CHD6: variants seen among roughly 807,000 people sequenced by gnomAD.
CHD6 encodes ATP-dependent chromatin remodeler CHD6.
Under a neutral mutation model 276.9 loss-of-function variants are expected in CHD6, and 50 were observed. The ratio of observed to expected loss-of-function variants is 0.18; its 90% CI spans 0.14 to 0.23. The LOEUF is 0.23. Among genes scored for constraint, CHD6 ranks in the 10% least tolerant of loss-of-function variants. CHD6 has a pLI of 1.00. For missense variants in CHD6, 2,564 were observed against 3,365.8 expected (o/e 0.76, Z 5.89); for synonymous variants, 1,173 against 1,229.3 (o/e 0.95, Z 0.96).
At chr20:41,483,208 G>T (rs939318821) in intron 16 of CHD6, 101 bp downstream of exon 16, 3 of 1,027,676 alleles carry the variant, frequency 2.9e-6, no homozygotes, top group Non-Finnish European at 4.2e-6. Flanking sequence ...CTCCGTTTTT[G>T]AATGTTTTGT....
At chr20:41,488,637 C>CA in intron 12 of CHD6, 33 bp from the exon 13 acceptor site, 1 of 1,592,042 alleles carries the variant, frequency 6.3e-7, no homozygotes, top group Non-Finnish European at 8.6e-7. Flanking sequence ...CAAAGCTTTA[C>CA]ACCATGGCTA....
At chr20:41,565,016 C>T (rs2045340491) in intron 1 of CHD6, among the ~76,000 whole-genome samples, 1 of 151,750 alleles carries the variant, frequency 6.6e-6, no homozygotes, top group Non-Finnish European at 1.5e-5. Flanking sequence ...GAGTCATACC[C>T]AGGTAGAAGT....
At chr20:41,545,202 G>A (rs1284019828) in intron 2 of CHD6, among the ~76,000 whole-genome samples, 2 of 152,062 alleles carry the variant, frequency 1.3e-5, no homozygotes, top group African/African-American at 4.8e-5. Context: ...ATGCCCTTAA[G>A]TCTTCATTTC....
chr20:41,540,602 T>A (rs1423303176), intron 2 of CHD6, among the ~76,000 whole-genome samples: 1 of 152,216 alleles, frequency 6.6e-6, no homozygotes, highest in Admixed American at 6.5e-5. Context: ...CAGGACAAAG[T>A]GTGCACTTTG....
intron 4 of CHD6, among the ~76,000 whole-genome samples, chr20:41,513,309 C>T (rs1319215383): frequency 6.6e-6 from 1 of 152,126 alleles, no homozygotes; most frequent in Non-Finnish European, 1.5e-5. Flanking sequence ...TCAGAATCCA[C>T]TTCTCCTCCA....
At chr20:41,520,716 T>C (rs1167671534) in intron 3 of CHD6, among the ~76,000 whole-genome samples, 1 of 151,812 alleles carries the variant, frequency 6.6e-6, no homozygotes, top group Non-Finnish European at 1.5e-5. Flanking sequence ...ATATAACTAA[T>C]GTTAAATGAC....
At chr20:41,508,677 A>G (rs565154932) in intron 5 of CHD6, among the ~76,000 whole-genome samples, 1 of 152,200 alleles carries the variant, frequency 6.6e-6, no homozygotes, top group Non-Finnish European at 1.5e-5. Context: ...CAGAAGCCTT[A>G]TGATGAACGG....
intron 2 of CHD6, among the ~76,000 whole-genome samples, chr20:41,550,352 A>T (rs2045125828): frequency 6.6e-6 from 1 of 152,250 alleles, no homozygotes; most frequent in Non-Finnish European, 1.5e-5. Flanking sequence ...TAGGACAGAT[A>T]TAAATCCAGT....
chr20:41,545,563 C>T (rs1288473464), intron 2 of CHD6, among the ~76,000 whole-genome samples: 2 of 152,140 alleles, frequency 1.3e-5, no homozygotes, highest in Non-Finnish European at 2.9e-5. Flanking sequence ...AAATTATTCA[C>T]TCAACCATAT....
At chr20:41,617,130 G>A (rs993580001) in intron 1 of CHD6, among the ~76,000 whole-genome samples, 1 of 152,068 alleles carries the variant, frequency 6.6e-6, no homozygotes, top group African/African-American at 2.4e-5. Context: ...TTCTGTGTTC[G>A]TGGATCTGCC....
At position 41,415,602 on chromosome 20, in the gene CHD6, G is replaced by C. The variant is rs2046971841; in HGVS notation, c.6523C>G (p.Gln2175Glu). The C allele has an allele frequency of 6.2e-7, 1 of 1,608,414 alleles. No homozygotes were observed. Among genetic ancestry groups the C allele is most frequent in the Admixed American group, 1.7e-5 (1 of 59,368 alleles). ...AACTCATAGGGACGCCTGTGCTTTT[G>C]TTCATCCTTTGTGAATACTGGAGCT... ...FLAPVFTKDE[Q>E]KHRRPYEFEV... The change falls in exon 34 of 37, where the codon CAA becomes GAA. Residue 2175 changes from glutamine (Q) to glutamate (E), a missense_variant. Transcript: ENST00000373233.
intron 5 of CHD6, among the ~76,000 whole-genome samples, chr20:41,508,603 T>C (rs1231567508): frequency 6.6e-6 from 1 of 152,132 alleles, no homozygotes; most frequent in Non-Finnish European, 1.5e-5. Context: ...AGTGTGGGAA[T>C]TGGTGGTTGT....
chr20:41,438,604 C>T (rs1033191997), intron 26 of CHD6, among the ~76,000 whole-genome samples: 1 of 151,968 alleles, frequency 6.6e-6, no homozygotes, highest in South Asian at 2.1e-4. Context: ...AAACAAAAAA[C>T]CCCCAAAAAA....
chr20:41,458,739 T>G (rs1484237570), intron 17 of CHD6, among the ~76,000 whole-genome samples: 1 of 152,160 alleles, frequency 6.6e-6, no homozygotes, highest in African/African-American at 2.4e-5. Flanking sequence ...CAGACCTGGC[T>G]TCAGCCATTT....
At chr20:41,434,538 T>C (rs1025127160) in intron 27 of CHD6, among the ~76,000 whole-genome samples, 3 of 152,056 alleles carry the variant, frequency 2.0e-5, no homozygotes, top group Non-Finnish European at 4.4e-5. Context: ...GCCTGGCTAA[T>C]TTTGTATTTT....
In CHD6 at chr20:41,498,811, ATGTG is replaced by A. The variant is rs71193638; in HGVS notation, c.915+480_915+483del. 9.6e-3 allele frequency among the ~76,000 whole-genome samples: 835 copies of A among 86,584 alleles called. 7 individuals carry two copies. The highest frequency in any genetic ancestry group is 0.016 in the Admixed American group (133 of 8,078). The allele number at this position is 86,584 out of a possible 152,430, so 56.8% of individuals were successfully genotyped here. ...TATGTATGTATGTATGTATGTATGTATGTGTGTGTGTGTGTGTGTGTGTGTGTGT... is the reference window on the plus strand; with the variant it reads ...TATGTATGTATGTATGTATGTATGTATGTGTGTGTGTGTGTGTGTGTGTGT... On this transcript the variant is annotated intron_variant, in intron 6 of 36. Transcript: ENST00000373233.
intron 31 of CHD6, among the ~76,000 whole-genome samples, chr20:41,418,642 C>T (rs187520802): frequency 3.9e-5 from 6 of 152,038 alleles, no homozygotes; most frequent in Admixed American, 3.9e-4. Context: ...TGGAAAAAGC[C>T]AGGAGACCTG....
chr20:41,406,538 G>C (rs922919773), intron 36 of CHD6, among the ~76,000 whole-genome samples: 1 of 152,220 alleles, frequency 6.6e-6, no homozygotes, highest in Admixed American at 6.5e-5. Context: ...CCTCCTTCCT[G>C]AGAGTGGAGC....
In CHD6 at chr20:41,420,611, G is replaced by A. The variant is rs771504374; in HGVS notation, c.6024C>T (p.Asn2008=). The change falls in exon 31 of 37, where the codon AAC becomes AAT. Residue 2008 remains asparagine (N), a synonymous_variant. Transcript: ENST00000373233. The part of the protein sequence containing the change: ...EPWKESAEGQ[N]VFPTYPLEGS... ...CTTCAAGAGGATATGTGGGGAAAAC[G>A]TTTTGCCCCTCTGCACTTTCTTTCC... 1.1e-5 allele frequency: 17 copies of A among 1,614,052 alleles called. No homozygotes were observed. The highest frequency in any genetic ancestry group is 1.6e-4 in the Middle Eastern group (1 of 6,084).
Sources: gnomAD v4.1 joint callset for allele counts (sites outside exome capture counted in the v4.1 genomes callset) on GRCh38, gnomAD v4.1.1 for gene constraint, MANE v1.5 for transcripts, NCBI Gene and HGNC (gene_info 2026-07-23, HGNC 2026-07-21) for gene names.